Variants in SCN1A observed in about 807,000 individuals in gnomAD.
SCN1A encodes sodium channel protein type 1 subunit alpha.
SCN1A carries 13 observed loss-of-function variants against 193.7 expected under a neutral mutation model. The ratio of observed to expected loss-of-function variants is 0.07; its 90% CI spans 0.04 to 0.11. SCN1A has a LOEUF of 0.11. SCN1A is among the 10% of genes least tolerant of loss of function. The pLI is 1.00. For missense variants in SCN1A, 1,432 were observed against 2,451.1 expected (o/e 0.58, Z 8.78); for synonymous variants, 781 against 843.6 (o/e 0.93, Z 1.29).
intron 3 of SCN1A, among the ~76,000 whole-genome samples, chr2:166,074,016 A>G (rs1269273297): frequency 6.6e-6 from 1 of 152,216 alleles, no homozygotes; most frequent in African/African-American, 2.4e-5. Context: ...CTGTGCGTAT[A>G]AAGGCAAAGG....
intron 2 of SCN1A, among the ~76,000 whole-genome samples, chr2:166,087,217 A>G (rs556142326): frequency 6.6e-6 from 1 of 150,756 alleles, no homozygotes; most frequent in South Asian, 2.1e-4. Flanking sequence ...CTGTAATCCC[A>G]GGACTTTGGG....
At chr2:166,013,100 C>CCTAAAATG (rs1221319317) in intron 21 of SCN1A, among the ~76,000 whole-genome samples, 2 of 150,854 alleles carry the variant, frequency 1.3e-5, no homozygotes, top group Non-Finnish European at 3.0e-5. Context: ...TTAGTGTTTC[C>CCTAAAATG]CTAAAATGCT....
chr2:166,055,441 C>T (rs1699036372), intron 6 of SCN1A, among the ~76,000 whole-genome samples: 1 of 151,770 alleles, frequency 6.6e-6, no homozygotes, highest in Admixed American at 6.6e-5. Flanking sequence ...AGCTTCAATA[C>T]TTTAGAATTT....
At chr2:166,119,693 A>G (rs1690315306) in intron 2 of SCN1A, among the ~76,000 whole-genome samples, 2 of 152,134 alleles carry the variant, frequency 1.3e-5, no homozygotes, top group Non-Finnish European at 2.9e-5. Flanking sequence ...AAGCTTTTCC[A>G]TTGTTACAAA....
intron 1 of SCN1A, among the ~76,000 whole-genome samples, chr2:166,134,216 A>G (rs1228717073): frequency 7.2e-5 from 11 of 152,208 alleles, no homozygotes; most frequent in Admixed American, 7.2e-4. Flanking sequence ...TATTTTGGAT[A>G]TGAGGAAACT....
At chr2:166,131,668 G>A (rs1004288355), upstream of SCN1A, among the ~76,000 whole-genome samples, 11 of 152,186 alleles carry the variant, frequency 7.2e-5, no homozygotes, top group African/African-American at 2.7e-4. Flanking sequence ...GAAGGCTGAG[G>A]AATTAGTGTA....
chr2:166,003,458 G>A (rs1297988001), intron 23 of SCN1A, among the ~76,000 whole-genome samples: 1 of 151,030 alleles, frequency 6.6e-6, no homozygotes, highest in African/African-American at 2.4e-5. Context: ...AAGAAAAAGA[G>A]GGATGCCATA....
At chr2:166,107,889 G>A (rs1409785220) in intron 2 of SCN1A, among the ~76,000 whole-genome samples, 1 of 151,980 alleles carries the variant, frequency 6.6e-6, no homozygotes, top group Admixed American at 6.6e-5. Context: ...ACATACATAA[G>A]GTAATAATTT....
At chr2:166,136,824 T>C (rs7561474) in intron 1 of SCN1A, among the ~76,000 whole-genome samples, 72,934 of 151,914 alleles carry the variant, frequency 0.48, 18,506 homozygotes, top group African/African-American at 0.62. Flanking sequence ...AAGACCCAAC[T>C]GAGAGGTTTA....
At chr2:166,118,486 C>T (rs1031733435) in intron 2 of SCN1A, among the ~76,000 whole-genome samples, 4 of 151,520 alleles carry the variant, frequency 2.6e-5, no homozygotes, top group South Asian at 2.1e-4. Flanking sequence ...TATTATTGTG[C>T]GACCTCACAG....
At chr2:166,005,068 G>C (rs1054300013) in intron 23 of SCN1A, among the ~76,000 whole-genome samples, 1 of 151,358 alleles carries the variant, frequency 6.6e-6, no homozygotes, top group African/African-American at 2.4e-5. Flanking sequence ...ACGTGGAAGA[G>C]TTGCTCCCAC....
At position 166,016,093 on chromosome 2, in the gene SCN1A, A is replaced by G; in HGVS notation, c.3430-366T>C. On this transcript the variant is annotated intron_variant, in intron 19 of 28. Transcript: ENST00000674923. ...GAGAGAAAGAGAAAGCTTACCTTAG[A>G]AGAAAATAATGTCGTTAGGTTATTC... 4 of 268,036 alleles carry G rather than the reference A, an allele frequency of 1.5e-5. No individual in the cohort carries two copies. In the South Asian group the frequency reaches 1.7e-4, roughly 11 times the overall value. The allele number at this position is 268,036 out of a possible 1,614,324, so 16.6% of individuals were successfully genotyped here. A position where few individuals can be genotyped will look rare whatever the true frequency, so the allele number is the denominator to read the frequency against.
chr2:166,110,566 A>G (rs756787620), intron 2 of SCN1A, among the ~76,000 whole-genome samples: 2 of 152,192 alleles, frequency 1.3e-5, no homozygotes, highest in African/African-American at 4.8e-5. Flanking sequence ...AGAGGTAAGA[A>G]AGCTACAGAA....
At chr2:166,053,317 A>G (rs1372248530) in intron 7 of SCN1A, among the ~76,000 whole-genome samples, 1 of 152,016 alleles carries the variant, frequency 6.6e-6, no homozygotes, top group Non-Finnish European at 1.5e-5. Context: ...AACTTCATAA[A>G]GTAGACACCC....
At chr2:166,020,733 C>T (rs1431117891) in intron 19 of SCN1A, among the ~76,000 whole-genome samples, 2 of 151,924 alleles carry the variant, frequency 1.3e-5, no homozygotes, top group African/African-American at 4.8e-5. Context: ...TGAATATTTA[C>T]TTTTTAAATA....
chr2:165,998,281 C>A, intron 25 of SCN1A, 106 bp from the exon 26 acceptor site: 3 of 947,410 alleles, frequency 3.2e-6, no homozygotes, highest in South Asian at 1.8e-5. Context: ...ACTAATATGT[C>A]AGCATTTTTT....
chr2:166,140,908 A>C (rs534479586), intron 1 of SCN1A, among the ~76,000 whole-genome samples: 12 of 152,130 alleles, frequency 7.9e-5, no homozygotes, highest in Non-Finnish European at 1.8e-4. Flanking sequence ...CAGCATCCCC[A>C]CTTCTTGGGA....
At chr2:166,014,614 A>G (rs1257820147) in intron 20 of SCN1A, among the ~76,000 whole-genome samples, 2 of 148,400 alleles carry the variant, frequency 1.3e-5, no homozygotes, top group East Asian at 3.9e-4. Flanking sequence ...AAAGAAAAAG[A>G]TATAAATACA....
At chr2:166,053,197 TA>T (rs1698786407) in intron 7 of SCN1A, 3 of 693,310 alleles carry the variant, frequency 4.3e-6, no homozygotes, top group Non-Finnish European at 7.7e-6. Flanking sequence ...GGGTCTTTTA[TA>T]AAGACCTTCT....
Sources: gnomAD v4.1 joint callset for allele counts (sites outside exome capture counted in the v4.1 genomes callset) on GRCh38, gnomAD v4.1.1 for gene constraint, MANE v1.5 for transcripts, NCBI Gene and HGNC (gene_info 2026-07-23, HGNC 2026-07-21) for gene names.